Variants in TUBGCP3 observed in about 807,000 individuals in gnomAD.
TUBGCP3 encodes the protein gamma-tubulin complex component 3.
A neutral mutation model predicts 123.1 loss-of-function variants in TUBGCP3; 50 were observed. That is an observed-to-expected ratio of 0.41 (90% CI 0.32 to 0.51). The LOEUF is 0.51. TUBGCP3 is among the 20% of genes least tolerant of loss of function. The pLI is 0.36. For missense variants in TUBGCP3, 882 were observed against 1,127.0 expected (o/e 0.78, Z 3.11); for synonymous variants, 405 against 413.9 (o/e 0.98, Z 0.26).
chr13:112,580,733 A>G (rs1345898423), intron 1 of TUBGCP3, among the ~76,000 whole-genome samples: 1 of 152,200 alleles, frequency 6.6e-6, no homozygotes, highest in East Asian at 1.9e-4. Flanking sequence ...GGCAGAGGAA[A>G]AACACTTCAG....
rs1877212769 is a variant in TUBGCP3 at position 112,527,294 on chromosome 13, C to T, written c.1446+80G>A. 3 of 1,093,302 alleles carry T rather than the reference C, an allele frequency of 2.7e-6. No individual in the cohort carries two copies. The Admixed American group carries it at 7.2e-5, about 26-fold the overall frequency. 67.7% of individuals were successfully genotyped at this position (1,093,302 alleles called of 1,614,324 possible). On this transcript the variant is annotated intron_variant, in intron 12 of 21. Transcript: ENST00000261965. ...AATCTCAAAACGCATGAAATTTTAA[C>T]TGAAAATTGGTTTTGTCACATAATC...
chr13:112,492,664 T>C (rs1189428741), intron 20 of TUBGCP3, among the ~76,000 whole-genome samples: 6 of 148,234 alleles, frequency 4.0e-5, no homozygotes, highest in African/African-American at 1.5e-4. Flanking sequence ...CCTGAGATGC[T>C]CTGGCTATGG....
intron 8 of TUBGCP3, among the ~76,000 whole-genome samples, chr13:112,553,769 G>A (rs9603908): frequency 0.13 from 19,160 of 152,208 alleles, 1,910 homozygotes; most frequent in African/African-American, 0.28. Flanking sequence ...GGCCCCCTTC[G>A]AGCGTTTGGA....
Position 112,569,154 on chromosome 13 carries a change from T to C in TUBGCP3, c.182A>G (p.Glu61Gly). 3.1e-6 allele frequency: 5 copies of C among 1,614,120 alleles called. No individual in the cohort carries two copies. The South Asian group carries it at 5.5e-5, about 18-fold the overall frequency. Residue 61 changes from glutamate (E) to glycine (G), a missense_variant and splice_region_variant, in exon 2 of 22, where the codon GAG becomes GGG. Physicochemically the swap from Glu to Gly is moderately conservative, Grantham distance 98. Around this residue, in one of 3 missense-constraint regions of TUBGCP3, gnomAD observed 713 missense variants for 874.0 expected, o/e 0.82. Transcript: ENST00000261965. Reference protein sequence around the residue: ...EFLVAEKIKKELIRQRREADA... With the variant: ...EFLVAEKIKKGLIRQRREADA... ...TGACATTTAAGAAAAATACGTACGCTCTTTCTTGATTTTTTCAGCTACTAA... is the reference window on the plus strand; with the variant it reads ...TGACATTTAAGAAAAATACGTACGCCCTTTCTTGATTTTTTCAGCTACTAA...
Position 112,485,736 on chromosome 13 carries a change from T to C in TUBGCP3, c.*257A>G. 1 of 412,552 alleles carries C rather than the reference T, an allele frequency of 2.4e-6. No individual in the cohort carries two copies. The highest frequency in any genetic ancestry group is 3.7e-5 in the East Asian group (1 of 27,050). The allele number at this position is 412,552 out of a possible 1,614,324, so 25.6% of individuals were successfully genotyped here. ...AGCCTCAGCAAATTATGGTATCTTT[T>C]AGCGATGAAGACTTTTAGAGACAAA... On this transcript the variant is annotated 3_prime_UTR_variant, in exon 22 of 22. Coordinates refer to ENST00000261965, the MANE Select transcript of TUBGCP3 (RefSeq NM_006322.6).
chr13:112,558,086 C>G, intron 5 of TUBGCP3, 110 bp downstream of exon 5: 2 of 1,209,564 alleles, frequency 1.7e-6, no homozygotes, highest in South Asian at 3.1e-5. Flanking sequence ...CTGTCTGGCA[C>G]GTATGAGGCC....
chr13:112,590,265 C>T (rs982264467), upstream of TUBGCP3, among the ~76,000 whole-genome samples: 1 of 152,134 alleles, frequency 6.6e-6, no homozygotes, highest in Non-Finnish European at 1.5e-5. Context: ...CGTGAGCCAC[C>T]GCGCCCGGTC....
chr13:112,533,432 G>A (rs907783277), intron 11 of TUBGCP3, among the ~76,000 whole-genome samples: 6 of 152,304 alleles, frequency 3.9e-5, no homozygotes, highest in African/African-American at 1.4e-4. Context: ...GTTCCAACTT[G>A]GGCCTCCCTT....
chr13:112,581,196 C>G (rs1882254097), intron 1 of TUBGCP3, among the ~76,000 whole-genome samples: 1 of 152,170 alleles, frequency 6.6e-6, no homozygotes. Flanking sequence ...CTCACACCCC[C>G]CCATCTTTCT....
At chr13:112,550,248 T>A (rs9550142) in intron 8 of TUBGCP3, among the ~76,000 whole-genome samples, 26,444 of 150,708 alleles carry the variant, frequency 0.18, 2,473 homozygotes, top group Non-Finnish European at 0.21. Context: ...CATCAAAAAA[T>A]TTTTTTTAAT....
At chr13:112,599,760 C>T in the TUBGCP3 span, among the ~76,000 whole-genome samples, 4 of 152,140 alleles carry the variant, frequency 2.6e-5, no homozygotes, top group African/African-American at 9.7e-5. Context: ...ACCTCGTGAT[C>T]CGCCTGCCTT....
At chr13:112,531,160 C>T (rs867008531) in intron 11 of TUBGCP3, among the ~76,000 whole-genome samples, 3 of 152,086 alleles carry the variant, frequency 2.0e-5, no homozygotes, top group Admixed American at 6.5e-5. Context: ...CTTTTAAGGG[C>T]CAGACACTAT....
At chr13:112,600,472 G>C in the TUBGCP3 span, among the ~76,000 whole-genome samples, 2 of 152,046 alleles carry the variant, frequency 1.3e-5, no homozygotes, top group Admixed American at 6.6e-5. Flanking sequence ...CATATCAACG[G>C]ATTGAAACTT....
rs1401532702 is a variant in TUBGCP3, at chr13:112,530,670, G to A, written c.1336-3186C>T. On this transcript the variant is annotated intron_variant, in intron 11 of 21. Coordinates refer to ENST00000261965, the MANE Select transcript of TUBGCP3 (RefSeq NM_006322.6). ...CAATTCCCCTCGTAATCCATGGGAC[G>A]ATTATATTCACAAAATAGAGTTTCA... 2.6e-5 allele frequency among the ~76,000 whole-genome samples: 4 copies of A among 152,128 alleles called. No homozygotes were observed. The South Asian group carries it at 6.2e-4, about 24-fold the overall frequency.
chr13:112,551,030 C>T (rs1027802095), intron 8 of TUBGCP3, among the ~76,000 whole-genome samples: 5 of 151,704 alleles, frequency 3.3e-5, no homozygotes, highest in African/African-American at 1.2e-4. Context: ...ACATGGGAGG[C>T]GGAGCTTGCA....
At chr13:112,603,989 G>A in the TUBGCP3 span, 2 of 152,324 alleles carry the variant, frequency 1.3e-5, no homozygotes, top group African/African-American at 2.4e-5. Context: ...CTAGAACAGA[G>A]ACTGCAACAC....
intron 1 of TUBGCP3, among the ~76,000 whole-genome samples, chr13:112,584,772 A>G (rs1283589795): frequency 6.6e-6 from 1 of 152,252 alleles, no homozygotes; most frequent in Non-Finnish European, 1.5e-5. Context: ...TATGAAAAGA[A>G]GTGTTACCTC....
Position 112,578,558 on chromosome 13 carries a change from C to CAAAAAAA in TUBGCP3, c.77-9306_77-9300dup, listed in dbSNP as rs71131496. On this transcript the variant is annotated intron_variant, in intron 1 of 21. Coordinates refer to ENST00000261965, the MANE Select transcript of TUBGCP3 (RefSeq NM_006322.6). ...TGGGCGAAAGAGTGAGACTCCGTCT[C>CAAAAAAA]AAAAAAAAAAAAAAAAAAAAAAAAA... is the stretch of plus-strand genomic sequence containing the variant. Among the ~76,000 whole-genome samples, 47 of 24,912 alleles carry CAAAAAAA rather than the reference C, an allele frequency of 1.9e-3. 3 individuals carry two copies. Among genetic ancestry groups the CAAAAAAA allele is most frequent in the African/African-American group, 3.3e-3 (22 of 6,750 alleles). 16.3% of individuals were successfully genotyped at this position (24,912 alleles called of 152,430 possible).
chr13:112,511,205 G>A lies in TUBGCP3; in HGVS notation c.2086+5235C>T, dbSNP rs530117906. On this transcript the variant is annotated intron_variant, in intron 17 of 21. Transcript: ENST00000261965. The surrounding 1 kb of genome is among the most constrained non-coding windows in gnomAD (Gnocchi z 4.1). ...AGACACCCTGACCACAGTCCTGTGC[G>A]GGAAACACCCTCTGAACCCACCGCT... Among the ~76,000 whole-genome samples, 98 of 152,262 alleles carry A rather than the reference G, an allele frequency of 6.4e-4. No homozygotes were observed. Among genetic ancestry groups the A allele is most frequent in the African/African-American group, 2.0e-3 (85 of 41,552 alleles).
Sources: allele counts gnomAD v4.1 joint callset (sites outside exome capture counted in the v4.1 genomes callset), GRCh38; gene constraint gnomAD v4.1.1; regional missense constraint gnomAD v4.1.1; non-coding constraint Gnocchi (gnomAD v3.1); transcripts MANE v1.5; gene names NCBI Gene and HGNC (gene_info 2026-07-23, HGNC 2026-07-21).